Variants in TNIP1 observed in about 807,000 individuals in gnomAD.
The protein encoded by TNIP1 is TNFAIP3-interacting protein 1.
Under a neutral mutation model 86.6 loss-of-function variants are expected in TNIP1, and 22 were observed. The observed-to-expected ratio is 0.25, with a 90% CI of 0.18 to 0.36. The LOEUF is 0.36. Among genes scored for constraint, TNIP1 ranks in the 10% least tolerant of loss-of-function variants. The pLI is 1.00. For missense variants in TNIP1, 709 were observed against 820.6 expected, an observed-to-expected ratio of 0.86 and a Z score of 1.66; for synonymous variants, 294 against 313.0, an observed-to-expected ratio of 0.94 and a Z score of 0.64.
chr5:151,051,155 A>T (rs1045572484), intron 7 of TNIP1, among the ~76,000 whole-genome samples: 5 of 152,192 alleles, frequency 3.3e-5, no homozygotes, highest in African/African-American at 1.2e-4. Flanking sequence ...AAAAACCCCA[A>T]AAGTGCATCC....
chr5:151,042,012 C>CCA (rs1758483677), intron 11 of TNIP1, among the ~76,000 whole-genome samples: 1 of 150,682 alleles, frequency 6.6e-6, no homozygotes, highest in South Asian at 2.1e-4. Flanking sequence ...GCAATCTTGA[C>CCA]TCACTGCAAC....
chr5:151,042,942 T>G lies in TNIP1; in HGVS notation c.956A>C (p.Gln319Pro). 6.2e-7 allele frequency: 1 copy of G among 1,614,236 alleles called. No individual in the cohort carries two copies. Among genetic ancestry groups the G allele is most frequent in the Non-Finnish European group, 8.5e-7 (1 of 1,180,030 alleles). The change falls in exon 10 of 18, where the codon CAG becomes CCG. Residue 319 changes from glutamine to proline, a missense_variant. Coordinates refer to ENST00000521591, the MANE Select transcript of TNIP1 (RefSeq NM_006058.5). ...CATGGACCGGAAATGCTGGTCCCAC[T>G]GCTTGTTCACTTCCAGCAGCTGTGG... ...QRSELLEVNK[Q>P]WDQHFRSMKQ...
intron 4 of TNIP1, 125 bp downstream of exon 4, chr5:151,062,002 T>G: frequency 1.2e-6 from 1 of 864,464 alleles, no homozygotes; most frequent in South Asian, 1.7e-5. Context: ...ACTTGCCCAA[T>G]ATCACCCAGC....
chr5:151,039,179 T>G lies in TNIP1; in HGVS notation c.1181A>C (p.Lys394Thr). 1 of 1,613,784 alleles carries G rather than the reference T, an allele frequency of 6.2e-7. No homozygotes were observed. The highest frequency in any genetic ancestry group is 8.5e-7 in the Non-Finnish European group (1 of 1,179,920). The change falls in exon 12 of 18, where the codon AAG (lysine) becomes ACG (threonine). Residue 394 changes from lysine (K) to threonine (T), a missense_variant. Physicochemically the swap from Lys to Thr is moderately conservative, Grantham distance 78 (BLOSUM62 -1). Coordinates refer to ENST00000521591, the MANE Select transcript of TNIP1 (RefSeq NM_006058.5). Reference protein sequence around the residue: ...LTAEAKELRQKVKYLQDQLSP... With the variant: ...LTAEAKELRQTVKYLQDQLSP... ...CAGCTGATCCTGCAGGTACTTGACCTTTTGGCGCAGCTCCTTGGCCTCTGC... is the reference window on the plus strand; with the variant it reads ...CAGCTGATCCTGCAGGTACTTGACCGTTTGGCGCAGCTCCTTGGCCTCTGC...
Position 151,056,741 on chromosome 5 carries a change from G to A in TNIP1, c.627+25C>T, listed in dbSNP as rs769905787. The A allele has an allele frequency of 1.9e-5, 28 of 1,456,932 alleles. No homozygotes were observed. The East Asian group carries it at 2.4e-4, about 12-fold the overall frequency. The allele number at this position is 1,456,932 out of a possible 1,614,324, so 90.3% of individuals were successfully genotyped here. A position where few individuals can be genotyped will look rare whatever the true frequency, so the allele number is the denominator to read the frequency against. On this transcript the variant is annotated intron_variant, in intron 6 of 17. Transcript: ENST00000521591. ...GGGGGGAAGCACGCCTGCCTGTCTC[G>A]GGCTGCCCTCCCCACGCGCCTCACC...
rs143092206 is a variant in TNIP1, at chr5:151,040,988, G to A, written c.1134+1552C>T. 6.8e-4 allele frequency among the ~76,000 whole-genome samples: 104 copies of A among 152,134 alleles called. 1 individual carries two copies. Among genetic ancestry groups the A allele is most frequent in the African/African-American group, 2.5e-3 (103 of 41,518 alleles). On this transcript the variant is annotated intron_variant, in intron 11 of 17. Coordinates refer to ENST00000521591, the MANE Select transcript of TNIP1 (RefSeq NM_006058.5). ...TGACTGGGCAGATACTACTACTTCAGGGGACCTGTTGTTTCCCCCCAAGAA... is the reference window on the plus strand; with the variant it reads ...TGACTGGGCAGATACTACTACTTCAAGGGACCTGTTGTTTCCCCCCAAGAA...
chr5:151,041,070 ACT>A (rs1758355065), intron 11 of TNIP1, among the ~76,000 whole-genome samples: 1 of 136,850 alleles, frequency 7.3e-6, no homozygotes, highest in Non-Finnish European at 1.6e-5. Flanking sequence ...TCTTCGTAGT[ACT>A]TTTTTTTTTT....
At chr5:151,041,797 G>A (rs1758450343) in intron 11 of TNIP1, among the ~76,000 whole-genome samples, 1 of 152,176 alleles carries the variant, frequency 6.6e-6, no homozygotes, top group African/African-American at 2.4e-5. Context: ...CCTGAGACAG[G>A]CTCTGAAGAC....
intron 5 of TNIP1, among the ~76,000 whole-genome samples, chr5:151,058,671 G>A (rs190918117): frequency 2.1e-4 from 32 of 152,200 alleles, no homozygotes; most frequent in Admixed American, 5.9e-4. Context: ...CCCTGTCCAC[G>A]GCTCAGCTCC....
At chr5:151,032,606 C>G (rs2113215436) in intron 16 of TNIP1, 1 of 576,232 alleles carries the variant, frequency 1.7e-6, no homozygotes, top group African/African-American at 1.9e-5. Context: ...GGATTTGAAT[C>G]CAGGTCTTTG....
chr5:151,084,444 CAAAAA>C (rs56889305), upstream of TNIP1, among the ~76,000 whole-genome samples: 1 of 132,458 alleles, frequency 7.5e-6, no homozygotes, highest in Non-Finnish European at 1.6e-5. Context: ...GACTTCGTCT[CAAAAA>C]AAAAAAAAAA....
chr5:151,035,837 A>G (rs974423765), intron 13 of TNIP1, 130 bp from the exon 14 acceptor site: 1 of 1,143,414 alleles, frequency 8.7e-7, no homozygotes, highest in African/African-American at 1.5e-5. Context: ...GGGGAGTGGG[A>G]CAGCTACACC....
chr5:151,035,189 G>T, intron 14 of TNIP1, 122 bp from the exon 15 acceptor site: 10 of 1,160,464 alleles, frequency 8.6e-6, no homozygotes, highest in Non-Finnish European at 1.2e-5. Flanking sequence ...GCCACCATGC[G>T]TGGGCCAGCC....
intron 1 of TNIP1, among the ~76,000 whole-genome samples, chr5:151,074,148 T>C (rs1355432798): frequency 6.6e-6 from 1 of 152,242 alleles, no homozygotes; most frequent in Non-Finnish European, 1.5e-5. Flanking sequence ...CTGTCATTTT[T>C]TACATTATAT....
rs773062751 is a variant in TNIP1, at chr5:151,063,757, T to C, written c.137-10A>G. ...TCTTCCAAAAGCTCCCCTAGAGTTA[T>C]TGGGGAAGAGGAAGCAAAAGCATTT... On this transcript the variant is annotated splice_polypyrimidine_tract_variant and intron_variant, in intron 2 of 17. Transcript: ENST00000521591. 4.3e-5 allele frequency: 70 copies of C among 1,610,818 alleles called. No homozygotes were observed. The highest frequency in any genetic ancestry group is 5.3e-5 in the African/African-American group (4 of 74,854).
At chr5:151,047,334 A>T (rs1010701280) in intron 8 of TNIP1, among the ~76,000 whole-genome samples, 1 of 152,252 alleles carries the variant, frequency 6.6e-6, no homozygotes, top group Non-Finnish European at 1.5e-5. Flanking sequence ...ATAAGTCTAT[A>T]CTGAAAAACA....
At chr5:151,061,263 G>A (rs1482288204) in intron 4 of TNIP1, among the ~76,000 whole-genome samples, 2 of 151,998 alleles carry the variant, frequency 1.3e-5, no homozygotes, top group African/African-American at 2.4e-5. Flanking sequence ...AGGAGTCAGT[G>A]CTCAGCTTCC....
chr5:151,063,544 G>A, intron 3 of TNIP1, 69 bp downstream of exon 3: 1 of 1,576,174 alleles, frequency 6.3e-7, no homozygotes, highest in Admixed American at 1.7e-5. Context: ...TAAGAAGGGA[G>A]TTCACTGTGA....
intron 1 of TNIP1, among the ~76,000 whole-genome samples, chr5:151,071,640 C>A (rs1409208591): frequency 6.6e-6 from 1 of 152,238 alleles, no homozygotes; most frequent in African/African-American, 2.4e-5. Flanking sequence ...ATCCCCTCCC[C>A]GAGGGCAGTC....
Sources: allele counts gnomAD v4.1 joint callset (sites outside exome capture counted in the v4.1 genomes callset), GRCh38; gene constraint gnomAD v4.1.1; transcripts MANE v1.5; gene names NCBI Gene and HGNC (gene_info 2026-07-23, HGNC 2026-07-21).